SYT9: variants seen among roughly 807,000 people sequenced by gnomAD.
The protein encoded by SYT9 is synaptotagmin-9.
In SYT9, 22 loss-of-function variants were observed where a neutral mutation model predicts 48.4. The ratio of observed to expected loss-of-function variants is 0.45; its 90% confidence interval spans 0.32 to 0.65. The LOEUF is 0.65. Among genes scored for constraint, SYT9 ranks in the 30% least tolerant of loss-of-function variants. The pLI is 0.03. For synonymous variants in SYT9, 265 were observed against 245.0 expected, an observed-to-expected ratio of 1.08 and a Z score of -0.76; for missense variants, 577 against 622.0, an observed-to-expected ratio of 0.93 and a Z score of 0.77.
intron 1 of SYT9, among the ~76,000 whole-genome samples, chr11:7,245,434 T>A (rs1847781208): frequency 6.6e-6 from 1 of 151,752 alleles, no homozygotes; most frequent in Non-Finnish European, 1.5e-5. Flanking sequence ...TTTTTTTTTG[T>A]TTTTGTTTTT....
intron 3 of SYT9, among the ~76,000 whole-genome samples, chr11:7,381,738 CT>C (rs1271167920): frequency 6.6e-6 from 1 of 152,184 alleles, no homozygotes; most frequent in Non-Finnish European, 1.5e-5. Context: ...AGAGCTGTCT[CT>C]TTTTTTACAG....
chr11:7,298,057 C>T (rs938995582), intron 1 of SYT9, among the ~76,000 whole-genome samples: 8 of 152,090 alleles, frequency 5.3e-5, no homozygotes, highest in African/African-American at 1.9e-4. Flanking sequence ...TCCTTCGGTT[C>T]TAGGGGACTT....
At chr11:7,377,345 A>G (rs2134040026) in intron 3 of SYT9, among the ~76,000 whole-genome samples, 1 of 152,120 alleles carries the variant, frequency 6.6e-6, no homozygotes, top group East Asian at 1.9e-4. Context: ...TATTTGAAGC[A>G]CATCTGAGAA....
At chr11:7,365,508 G>T (rs1391965322) in intron 3 of SYT9, among the ~76,000 whole-genome samples, 2 of 152,108 alleles carry the variant, frequency 1.3e-5, no homozygotes, top group Non-Finnish European at 2.9e-5. Context: ...AAACTGAATT[G>T]GAATTCTGCA....
chr11:7,288,344 T>C (rs1848635963), intron 1 of SYT9, among the ~76,000 whole-genome samples: 1 of 152,212 alleles, frequency 6.6e-6, no homozygotes, highest in African/African-American at 2.4e-5. Context: ...TTTTCTTCTC[T>C]TATATTTTTA....
At chr11:7,401,500 T>G (rs1014157179) in intron 3 of SYT9, among the ~76,000 whole-genome samples, 2 of 151,758 alleles carry the variant, frequency 1.3e-5, no homozygotes, top group Non-Finnish European at 2.9e-5. Context: ...ACTGATATTT[T>G]TTCCTTAACG....
chr11:7,424,159 G>C (rs558723284), intron 6 of SYT9, among the ~76,000 whole-genome samples: 4 of 152,286 alleles, frequency 2.6e-5, no homozygotes, highest in South Asian at 2.1e-4. Context: ...CCCTGACCTT[G>C]CCAGGGCAGG....
chr11:7,324,551 A>G (rs933740650), intron 3 of SYT9, among the ~76,000 whole-genome samples: 1 of 151,912 alleles, frequency 6.6e-6, no homozygotes, highest in Non-Finnish European at 1.5e-5. Context: ...CCCTTGAAGT[A>G]GTGCTTTAGC....
At chr11:7,285,020 GAAAC>G (rs1023453623) in intron 1 of SYT9, among the ~76,000 whole-genome samples, 8 of 152,078 alleles carry the variant, frequency 5.3e-5, no homozygotes, top group Admixed American at 1.3e-4. Context: ...TGGGCATTGA[GAAAC>G]AAACAAACAA....
At chr11:7,286,555 G>A (rs973580390) in intron 1 of SYT9, among the ~76,000 whole-genome samples, 21 of 152,156 alleles carry the variant, frequency 1.4e-4, no homozygotes, top group African/African-American at 2.7e-4. Flanking sequence ...TGTTACTTAC[G>A]CAAATTTCTG....
At chr11:7,337,044 A>G (rs1339550627) in intron 3 of SYT9, among the ~76,000 whole-genome samples, 1 of 151,878 alleles carries the variant, frequency 6.6e-6, no homozygotes, top group East Asian at 1.9e-4. Context: ...TGTAATTCTC[A>G]CTGTAGACAT....
chr11:7,245,714 G>A (rs1313833250), intron 1 of SYT9, among the ~76,000 whole-genome samples: 1 of 152,136 alleles, frequency 6.6e-6, no homozygotes, highest in Non-Finnish European at 1.5e-5. Context: ...ATGGTGGAAG[G>A]GCAAAGAGAC....
chr11:7,282,689 C>T (rs1848519901), intron 1 of SYT9, among the ~76,000 whole-genome samples: 1 of 152,048 alleles, frequency 6.6e-6, no homozygotes, highest in Non-Finnish European at 1.5e-5. Context: ...GTGGGAAGTC[C>T]CTGAGAGGAG....
intron 1 of SYT9, among the ~76,000 whole-genome samples, chr11:7,299,690 G>T (rs1848882549): frequency 6.6e-6 from 1 of 152,154 alleles, no homozygotes; most frequent in Non-Finnish European, 1.5e-5. Flanking sequence ...CCTATTGTGT[G>T]CCAGGAACTC....
intron 3 of SYT9, among the ~76,000 whole-genome samples, chr11:7,383,497 T>C (rs185566277): frequency 6.6e-6 from 1 of 152,298 alleles, no homozygotes; most frequent in Admixed American, 6.5e-5. Context: ...TGCACATCAA[T>C]TCATTAGTGA....
At chr11:7,352,335 G>T (rs1438637968) in intron 3 of SYT9, among the ~76,000 whole-genome samples, 3 of 148,098 alleles carry the variant, frequency 2.0e-5, no homozygotes, top group African/African-American at 5.0e-5. Flanking sequence ...CAGCAAAGCC[G>T]CTGGGTTTGC....
At chr11:7,372,620 C>T (rs1160955683) in intron 3 of SYT9, among the ~76,000 whole-genome samples, 2 of 152,042 alleles carry the variant, frequency 1.3e-5, no homozygotes, top group African/African-American at 2.4e-5. Flanking sequence ...CCTTTTTTCC[C>T]CATTTTTAGT....
intron 3 of SYT9, among the ~76,000 whole-genome samples, chr11:7,359,628 T>TTTTGGCTGCATAAATGTCTTC (rs1345470579): frequency 9.0e-6 from 1 of 111,100 alleles, no homozygotes; most frequent in Non-Finnish European, 2.0e-5. Context: ...TTCATGTGTT[T>TTTTGGCTGCATAAATGTCTTC]TTTGGCTGCA....
intron 1 of SYT9, among the ~76,000 whole-genome samples, chr11:7,267,834 T>C (rs1475313321): frequency 6.6e-6 from 1 of 151,722 alleles, no homozygotes; most frequent in East Asian, 1.9e-4. Flanking sequence ...AATAAATAAA[T>C]ATTGTGCTAT....
Sources: allele counts gnomAD v4.1 joint callset (sites outside exome capture counted in the v4.1 genomes callset), GRCh38; gene constraint gnomAD v4.1.1; transcripts MANE v1.5; gene names NCBI Gene and HGNC (gene_info 2026-07-23, HGNC 2026-07-21).